Variants in FER observed in about 807,000 individuals in gnomAD.
FER encodes FER tyrosine kinase.
Under a neutral mutation model 111.0 loss-of-function variants are expected in FER, and 63 were observed. That is an observed-to-expected ratio of 0.57 (90% CI 0.46 to 0.70). The LOEUF (loss-of-function observed/expected upper bound fraction) is 0.70, where lower values mean the gene tolerates loss of function less well. Among genes scored for constraint, FER ranks in the 30% least tolerant of loss-of-function variants. FER has a pLI of 0.00. For missense variants in FER, 914 were observed against 954.0 expected (o/e 0.96, Z 0.55); for synonymous variants, 327 against 313.9 (o/e 1.04, Z -0.44).
rs1582325958 is a variant in FER at position 109,162,240 on chromosome 5, T to A, written c.2049-18507T>A. ...TCTCCAAATGAGTAACATTTCATGG[T>A]ATAACTCAGTCTGTTTCGTAAGAGT... On this transcript the variant is annotated intron_variant, in intron 17 of 19. Transcript: ENST00000281092. 5.9e-5 allele frequency among the ~76,000 whole-genome samples: 9 copies of A among 152,298 alleles called. 1 individual carries two copies. In the South Asian group the frequency reaches 1.9e-3, roughly 32 times the overall value.
At position 109,013,768 on chromosome 5, in the gene FER, G is replaced by A. The variant is rs1350153312; in HGVS notation, c.1657-23654G>A. On this transcript the variant is annotated intron_variant, in intron 13 of 19. Coordinates refer to ENST00000281092, the MANE Select transcript of FER (RefSeq NM_005246.4). The stretch of plus-strand genomic sequence containing the variant: ...GTTGTTTCCTGACTTTTTAATGATT[G>A]CCATTCTAACTGGTGTGAGATGGTA... 2.7e-5 allele frequency among the ~76,000 whole-genome samples: 4 copies of A among 150,480 alleles called. 1 individual carries two copies. Among genetic ancestry groups the A allele is most frequent in the Admixed American group, 2.0e-4 (3 of 15,120 alleles).
intron 17 of FER, among the ~76,000 whole-genome samples, chr5:109,165,593 G>GGTGTGTGTGTGTGTGTGTGT: frequency 7.0e-6 from 1 of 142,350 alleles, no homozygotes. Flanking sequence ...GGAGGGAACT[G>GGTGTGTGTGTGTGTGTGTGT]GTGTGTGTGT....
In FER at chr5:108,910,391, T is replaced by A. The variant is rs149890175; in HGVS notation, c.1236+12543T>A. 1.1e-4 allele frequency among the ~76,000 whole-genome samples: 17 copies of A among 152,322 alleles called. No individual in the cohort carries two copies. In the East Asian group the frequency reaches 2.9e-3, roughly 26 times the overall value. ...TGGGTACAGTGGCTTTTTATGACTT[T>A]CAGGTGAAACACCAAATTTCTTGAC... On this transcript the variant is annotated intron_variant, in intron 10 of 19. Coordinates refer to ENST00000281092, the MANE Select transcript of FER (RefSeq NM_005246.4).
intron 17 of FER, among the ~76,000 whole-genome samples, chr5:109,162,815 T>C (rs115459350): frequency 0.016 from 2,376 of 152,070 alleles, 50 homozygotes; most frequent in African/African-American, 0.054. Flanking sequence ...ACTTGCATAT[T>C]ATATATTTGT....
chr5:109,105,470 A>G (rs1167852247), intron 17 of FER, among the ~76,000 whole-genome samples: 1 of 152,158 alleles, frequency 6.6e-6, no homozygotes, highest in Non-Finnish European at 1.5e-5. Flanking sequence ...AATCATTTAA[A>G]TGGTAAAATA....
chr5:109,164,166 G>C (rs891796952), intron 17 of FER, among the ~76,000 whole-genome samples: 1 of 152,086 alleles, frequency 6.6e-6, no homozygotes, highest in African/African-American at 2.4e-5. Context: ...AGAGGCCTTC[G>C]TCAGTCTTGC....
At chr5:109,176,961 T>G (rs1313674806) in intron 17 of FER, among the ~76,000 whole-genome samples, 2 of 152,202 alleles carry the variant, frequency 1.3e-5, no homozygotes, top group African/African-American at 2.4e-5. Flanking sequence ...AATATATACA[T>G]GTAGTACAAG....
At chr5:108,823,313 T>A (rs914547274) in intron 3 of FER, among the ~76,000 whole-genome samples, 7 of 152,268 alleles carry the variant, frequency 4.6e-5, no homozygotes, top group Non-Finnish European at 1.0e-4. Context: ...AGAGGGCTTG[T>A]TAGATCATAT....
intron 13 of FER, among the ~76,000 whole-genome samples, chr5:108,967,759 CA>C (rs774855414): frequency 0.016 from 539 of 34,442 alleles, 1 homozygote; most frequent in East Asian, 0.03. Context: ...GACTCCGTCT[CA>C]AAAAAAAAAA....
chr5:109,074,518 C>T (rs569209835), intron 16 of FER, among the ~76,000 whole-genome samples: 1 of 152,310 alleles, frequency 6.6e-6, no homozygotes, highest in East Asian at 1.9e-4. Context: ...TTTCCCTGGA[C>T]CCATAGCTGT....
intron 1 of FER, among the ~76,000 whole-genome samples, chr5:108,749,253 G>A (rs575836455): frequency 1.3e-5 from 2 of 152,008 alleles, no homozygotes; most frequent in South Asian, 2.1e-4. Context: ...CCTGGTTGGG[G>A]CTTGGGCCGG....
At chr5:109,082,844 G>C (rs1425007899) in intron 16 of FER, among the ~76,000 whole-genome samples, 1 of 151,898 alleles carries the variant, frequency 6.6e-6, no homozygotes, top group African/African-American at 2.4e-5. Context: ...CTTTATCCAA[G>C]ATGAGAAATC....
chr5:109,002,873 A>T (rs1008900874), intron 13 of FER, among the ~76,000 whole-genome samples: 5 of 152,284 alleles, frequency 3.3e-5, no homozygotes, highest in African/African-American at 1.2e-4. Flanking sequence ...AATGCTCATC[A>T]TCACTGGCCA....
chr5:109,093,660 A>G (rs1383241071), intron 16 of FER, among the ~76,000 whole-genome samples: 1 of 152,088 alleles, frequency 6.6e-6, no homozygotes, highest in Non-Finnish European at 1.5e-5. Flanking sequence ...ACATTTGTAA[A>G]TATTTTACCC....
At chr5:108,821,933 G>A (rs1309217960) in intron 3 of FER, among the ~76,000 whole-genome samples, 1 of 152,008 alleles carries the variant, frequency 6.6e-6, no homozygotes, top group Non-Finnish European at 1.5e-5. Flanking sequence ...TTATCATGGT[G>A]TACATTAGAT....
chr5:109,136,458 A>G (rs1752906657), intron 17 of FER, among the ~76,000 whole-genome samples: 1 of 152,194 alleles, frequency 6.6e-6, no homozygotes, highest in South Asian at 2.1e-4. Flanking sequence ...AAGTATGGGT[A>G]GCACATAAAT....
Position 108,993,405 on chromosome 5 carries a change from C to G in FER, c.1656+34058C>G, listed in dbSNP as rs527801681. Among the ~76,000 whole-genome samples the G allele has an allele frequency of 8.4e-3, 1,278 of 151,486 alleles. 17 individuals are homozygous for G. Among genetic ancestry groups the G allele is most frequent in the African/African-American group, 0.03 (1,209 of 40,798 alleles). On this transcript the variant is annotated intron_variant, in intron 13 of 19. Coordinates refer to ENST00000281092, the MANE Select transcript of FER (RefSeq NM_005246.4). ...AATACGAAAACCAGTCAGGCGTGGC[C>G]GCGCGCGCCTGCAATCGCAGGCACT... is the stretch of plus-strand genomic sequence containing the variant.
intron 10 of FER, among the ~76,000 whole-genome samples, chr5:108,911,808 G>A (rs962274928): frequency 2.0e-5 from 3 of 152,018 alleles, no homozygotes; most frequent in African/African-American, 7.3e-5. Context: ...TCTCTGTTCT[G>A]TTTCATTGAT....
intron 3 of FER, among the ~76,000 whole-genome samples, chr5:108,812,510 T>C (rs769559429): frequency 1.1e-4 from 17 of 152,194 alleles, no homozygotes; most frequent in Admixed American, 1.3e-4. Context: ...TTTCCTAATA[T>C]GACAATCTCT....
Sources: gnomAD v4.1 joint callset for allele counts (sites outside exome capture counted in the v4.1 genomes callset) on GRCh38, gnomAD v4.1.1 for gene constraint, MANE v1.5 for transcripts, NCBI Gene and HGNC (gene_info 2026-07-23, HGNC 2026-07-21) for gene names.